Variants in BCL2 observed in about 807,000 individuals in gnomAD.
The protein encoded by BCL2 is BCL2 apoptosis regulator.
In BCL2, 1 loss-of-function variant was observed where a neutral mutation model predicts 14.2. The ratio of observed to expected loss-of-function variants is 0.07; its 90% confidence interval spans 0.02 to 0.33. The LOEUF is 0.33. BCL2 is among the 10% of genes least tolerant of loss of function. BCL2 has a pLI of 0.99. For synonymous variants in BCL2, 151 were observed against 137.2 expected (o/e 1.10, Z -0.70); for missense variants, 247 against 305.9 (o/e 0.81, Z 1.44).
At chr18:63,299,761 T>TA (rs901203030) in intron 2 of BCL2, among the ~76,000 whole-genome samples, 1 of 152,008 alleles carries the variant, frequency 6.6e-6, no homozygotes, top group African/African-American at 2.4e-5. Context: ...TTGCATATGG[T>TA]ACCCTTTCAC....
intron 2 of BCL2, among the ~76,000 whole-genome samples, chr18:63,242,620 A>G (rs1911039012): frequency 6.6e-6 from 1 of 152,122 alleles, no homozygotes; most frequent in African/African-American, 2.4e-5. Flanking sequence ...ATCCCTTATT[A>G]CCAGTCTCTC....
intron 2 of BCL2, among the ~76,000 whole-genome samples, chr18:63,309,269 G>C (rs979547152): frequency 6.6e-6 from 1 of 152,158 alleles, no homozygotes; most frequent in Non-Finnish European, 1.5e-5. Context: ...TACATGATTC[G>C]AGGGGAAAGA....
At position 63,280,220 on chromosome 18, in the gene BCL2, G is replaced by A. The variant is rs542479155; in HGVS notation, c.585+37862C>T. Among the ~76,000 whole-genome samples the A allele has an allele frequency of 4.6e-5, 7 of 152,238 alleles. No homozygotes were observed. In the South Asian group the frequency reaches 1.5e-3, roughly 32 times the overall value. ...AGGCTTTGGAGTGAGACATACCTGT[G>A]ATCCAATCCTACCCCTGCCACTGAC... On this transcript the variant is annotated intron_variant, in intron 2 of 2. Coordinates refer to ENST00000333681, the MANE Select transcript of BCL2 (RefSeq NM_000633.3).
chr18:63,180,546 A>T (rs1209717615), intron 2 of BCL2, among the ~76,000 whole-genome samples: 2 of 150,650 alleles, frequency 1.3e-5, no homozygotes. Context: ...CCCAGGCTTA[A>T]TCTCCATGGC....
chr18:63,228,442 A>G lies in BCL2; in HGVS notation c.585+89640T>C, dbSNP rs193164104. 3.9e-5 allele frequency among the ~76,000 whole-genome samples: 6 copies of G among 152,314 alleles called. No individual in the cohort carries two copies. In the East Asian group the frequency reaches 7.7e-4, roughly 20 times the overall value. Reference sequence around the variant, plus strand: ...ACTTTATACCCCCCAGCATAACTTTATCTACCTCACCTTGCCTTATTTTTC... The same window carrying G: ...ACTTTATACCCCCCAGCATAACTTTGTCTACCTCACCTTGCCTTATTTTTC... On this transcript the variant is annotated intron_variant, in intron 2 of 2. Coordinates refer to ENST00000333681, the MANE Select transcript of BCL2 (RefSeq NM_000633.3).
At chr18:63,184,498 C>T (rs186476467) in intron 2 of BCL2, among the ~76,000 whole-genome samples, 15 of 152,312 alleles carry the variant, frequency 9.8e-5, no homozygotes, top group African/African-American at 3.6e-4. Context: ...TTCAAGCATG[C>T]CAGGAGGAAG....
At chr18:63,302,341 A>T in intron 2 of BCL2, 1 of 982,476 alleles carries the variant, frequency 1.0e-6, no homozygotes. Context: ...AAAGAGAGAG[A>T]GGAAATAGTT....
At chr18:63,300,802 C>T (rs1274911433) in intron 2 of BCL2, among the ~76,000 whole-genome samples, 1 of 152,142 alleles carries the variant, frequency 6.6e-6, no homozygotes, top group East Asian at 1.9e-4. Flanking sequence ...GCAGAAGAGC[C>T]TCAGAGACTC....
intron 2 of BCL2, among the ~76,000 whole-genome samples, chr18:63,130,555 C>G (rs568392709): frequency 6.6e-6 from 1 of 152,160 alleles, no homozygotes; most frequent in African/African-American, 2.4e-5. Flanking sequence ...TGAAATTACT[C>G]CTTCTATATG....
rs150838859 is a variant in BCL2 at position 63,129,884 on chromosome 18, G to T, written c.586-1125C>A. ...GGAGCTGTCAGGGGGTTTCTCTTGGGGGTGGCTAGACTGGACGACCACAAC... is the reference window on the plus strand; with the variant it reads ...GGAGCTGTCAGGGGGTTTCTCTTGGTGGTGGCTAGACTGGACGACCACAAC... On this transcript the variant is annotated intron_variant, in intron 2 of 2. Transcript: ENST00000333681. 3.9e-3 allele frequency among the ~76,000 whole-genome samples: 589 copies of T among 152,264 alleles called. 3 individuals are homozygous for T. Among genetic ancestry groups the T allele is most frequent in the African/African-American group, 0.013 (544 of 41,538 alleles).
At chr18:63,179,342 G>A (rs1478264290) in intron 2 of BCL2, among the ~76,000 whole-genome samples, 2 of 152,186 alleles carry the variant, frequency 1.3e-5, no homozygotes, top group Admixed American at 6.5e-5. Context: ...AAGCTGCTCC[G>A]GTTGGCAGCA....
At chr18:63,161,437 T>C (rs1405719452) in intron 2 of BCL2, among the ~76,000 whole-genome samples, 3 of 152,210 alleles carry the variant, frequency 2.0e-5, no homozygotes, top group Non-Finnish European at 4.4e-5. Flanking sequence ...AATTCCTTCT[T>C]CTTTGCAACG....
chr18:63,312,418 G>A (rs1481537323), intron 2 of BCL2, among the ~76,000 whole-genome samples: 1 of 152,192 alleles, frequency 6.6e-6, no homozygotes, highest in East Asian at 1.9e-4. Context: ...GAGAAATAGT[G>A]CTATAGCATA....
At chr18:63,262,786 G>T (rs1304796702) in intron 2 of BCL2, among the ~76,000 whole-genome samples, 2 of 152,160 alleles carry the variant, frequency 1.3e-5, no homozygotes, top group Non-Finnish European at 2.9e-5. Flanking sequence ...AAGTACATCA[G>T]AATTTGACAG....
chr18:63,301,742 A>G (rs969596104), intron 2 of BCL2, among the ~76,000 whole-genome samples: 6 of 152,250 alleles, frequency 3.9e-5, no homozygotes, highest in African/African-American at 7.2e-5. Flanking sequence ...ACTGAGCTCC[A>G]GAAGGGGCGG....
chr18:63,196,288 T>A (rs1476475810), intron 2 of BCL2, among the ~76,000 whole-genome samples: 1 of 152,232 alleles, frequency 6.6e-6, no homozygotes, highest in Non-Finnish European at 1.5e-5. Context: ...TAAAAACTAT[T>A]TTCTTAGGCT....
At chr18:63,287,210 C>T (rs570847505) in intron 2 of BCL2, among the ~76,000 whole-genome samples, 6 of 152,268 alleles carry the variant, frequency 3.9e-5, no homozygotes, top group Middle Eastern at 3.4e-3. Context: ...ATGAAGGGTC[C>T]TCCTCAGGAA....
chr18:63,143,292 G>A (rs754343472), intron 2 of BCL2, among the ~76,000 whole-genome samples: 25 of 152,220 alleles, frequency 1.6e-4, no homozygotes, highest in Non-Finnish European at 2.9e-4. Context: ...TTAAGTGAGT[G>A]GAGGGGCTGA....
At chr18:63,278,146 A>G (rs1912209908) in intron 2 of BCL2, among the ~76,000 whole-genome samples, 1 of 152,220 alleles carries the variant, frequency 6.6e-6, no homozygotes, top group South Asian at 2.1e-4. Context: ...TACTTCCTTA[A>G]AATGAATTTT....
Sources: allele counts gnomAD v4.1 joint callset (sites outside exome capture counted in the v4.1 genomes callset), GRCh38; gene constraint gnomAD v4.1.1; transcripts MANE v1.5; gene names NCBI Gene and HGNC (gene_info 2026-07-23, HGNC 2026-07-21).